CARMIL1: variants seen among roughly 807,000 people sequenced by gnomAD.
CARMIL1 encodes the protein F-actin-uncapping protein LRRC16A.
A neutral mutation model predicts 177.1 loss-of-function variants in CARMIL1; 90 were observed. The ratio of observed to expected loss-of-function variants is 0.51; its 90% CI spans 0.43 to 0.61. The LOEUF (loss-of-function observed/expected upper bound fraction) is 0.61, where lower values mean the gene tolerates loss of function less well. CARMIL1 is among the 20% of genes least tolerant of loss of function. The probability of loss-of-function intolerance (pLI) is 0.00; values close to 1 mark genes in which losing one functional copy is unlikely to be tolerated. For synonymous variants in CARMIL1, 577 were observed against 606.2 expected, an observed-to-expected ratio of 0.95 and a Z score of 0.71; for missense variants, 1,380 against 1,667.0, an observed-to-expected ratio of 0.83 and a Z score of 3.00.
chr6:25,407,086 A>G (rs967999148), intron 2 of CARMIL1, among the ~76,000 whole-genome samples: 12 of 152,114 alleles, frequency 7.9e-5, no homozygotes, highest in African/African-American at 2.9e-4. Flanking sequence ...GGATTTAGCA[A>G]TCAAGATTGG....
intron 24 of CARMIL1, among the ~76,000 whole-genome samples, chr6:25,530,371 C>T (rs1283002760): frequency 6.6e-6 from 1 of 151,896 alleles, no homozygotes; most frequent in African/African-American, 2.4e-5. Flanking sequence ...AAAAAGTAGC[C>T]AGGTGTAGTG....
At chr6:25,551,226 T>C (rs1810073656) in intron 27 of CARMIL1, 141 bp downstream of exon 27, 3 of 632,012 alleles carry the variant, frequency 4.7e-6, no homozygotes, top group Non-Finnish European at 5.4e-6. Flanking sequence ...TATATAAATA[T>C]AACTGTGCAT....
intron 2 of CARMIL1, among the ~76,000 whole-genome samples, chr6:25,307,932 A>G (rs1219649425): frequency 6.6e-6 from 1 of 152,192 alleles, no homozygotes; most frequent in African/African-American, 2.4e-5. Context: ...AGAGAATGTT[A>G]TCTACTTATT....
At chr6:25,561,274 C>A (rs970442212) in intron 29 of CARMIL1, among the ~76,000 whole-genome samples, 2 of 152,056 alleles carry the variant, frequency 1.3e-5, no homozygotes, top group Non-Finnish European at 2.9e-5. Flanking sequence ...ATATAGTATA[C>A]CATCTTTAAA....
chr6:25,525,700 A>T (rs1351563864), intron 23 of CARMIL1, among the ~76,000 whole-genome samples: 1 of 152,226 alleles, frequency 6.6e-6, no homozygotes, highest in Non-Finnish European at 1.5e-5. Flanking sequence ...ATTCTGTTAT[A>T]AGTTACCTAC....
At chr6:25,497,181 A>C (rs1803815403) in intron 16 of CARMIL1, among the ~76,000 whole-genome samples, 1 of 152,192 alleles carries the variant, frequency 6.6e-6, no homozygotes, top group Non-Finnish European at 1.5e-5. Context: ...AGATAACACA[A>C]AACTGAAGTT....
At chr6:25,499,169 A>G (rs1174232125) in intron 16 of CARMIL1, among the ~76,000 whole-genome samples, 1 of 152,172 alleles carries the variant, frequency 6.6e-6, no homozygotes, top group Non-Finnish European at 1.5e-5. Flanking sequence ...CCTCACCCTT[A>G]CCCTAGGGTA....
rs775523651 is a variant in CARMIL1, at chr6:25,581,302, C to G, written c.2869C>G (p.Pro957Ala). Residue 957 changes from proline to alanine, a missense_variant, in exon 31 of 37, where the codon CCC becomes GCC. By Grantham distance (27) the Pro-to-Ala change is conservative. Transcript: ENST00000329474. ...GGTACCAATTCACATCGAAGACCCG[C>G]CCTTCCCATCCCTCAGACAGGAGAA... ...EEVPIHIEDP[P>A]FPSLRQEKRS... 1 of 1,613,882 alleles carries G rather than the reference C, an allele frequency of 6.2e-7. No individual in the cohort carries two copies. Among genetic ancestry groups the G allele is most frequent in the Admixed American group, 1.7e-5 (1 of 60,004 alleles).
intron 9 of CARMIL1, among the ~76,000 whole-genome samples, chr6:25,470,490 A>T (rs1800998316): frequency 6.6e-6 from 1 of 152,222 alleles, no homozygotes; most frequent in Admixed American, 6.5e-5. Context: ...ATGAGCCTGG[A>T]TTAGGTGCAC....
At chr6:25,430,356 A>G (rs979763101) in intron 4 of CARMIL1, among the ~76,000 whole-genome samples, 6 of 150,368 alleles carry the variant, frequency 4.0e-5, no homozygotes, top group African/African-American at 1.5e-4. Flanking sequence ...TTGAGATGGT[A>G]TTAATTTTTG....
intron 2 of CARMIL1, among the ~76,000 whole-genome samples, chr6:25,344,533 C>G (rs920624685): frequency 2.0e-5 from 3 of 152,188 alleles, no homozygotes; most frequent in Non-Finnish European, 4.4e-5. Flanking sequence ...GTTTGTCTCA[C>G]TCTAAGCTGA....
intron 36 of CARMIL1, among the ~76,000 whole-genome samples, chr6:25,613,855 A>G (rs982974469): frequency 6.6e-6 from 1 of 152,334 alleles, no homozygotes; most frequent in East Asian, 1.9e-4. Flanking sequence ...TTAGGCTCCC[A>G]GGGATCAGGT....
chr6:25,496,740 C>T (rs573272834), intron 16 of CARMIL1, among the ~76,000 whole-genome samples: 13 of 152,088 alleles, frequency 8.5e-5, no homozygotes, highest in Admixed American at 5.2e-4. Context: ...TGCTAGACAC[C>T]GGATGACAGG....
At chr6:25,481,582 T>C (rs1018078665) in intron 11 of CARMIL1, among the ~76,000 whole-genome samples, 2 of 152,222 alleles carry the variant, frequency 1.3e-5, no homozygotes, top group African/African-American at 4.8e-5. Context: ...CGTTTGTGTA[T>C]TACTTATTTC....
intron 22 of CARMIL1, among the ~76,000 whole-genome samples, chr6:25,519,279 A>G (rs184436484): frequency 2.6e-5 from 4 of 152,366 alleles, no homozygotes; most frequent in East Asian, 3.9e-4. Context: ...GTTGCCACCA[A>G]GTAGCCCGAG....
chr6:25,429,755 T>TACCAGGCTGGAGTGCAGTGGCACAA lies in CARMIL1; in HGVS notation c.249+3195_249+3196insACCAGGCTGGAGTGCAGTGGCACAA, dbSNP rs1562124619. ...TGTGGTTTTCTTTCTTTTTTTAAGCTTCTTAAAATGATTAGTTATATTGAT... is the reference window on the plus strand; with the variant it reads ...TGTGGTTTTCTTTCTTTTTTTAAGCTACCAGGCTGGAGTGCAGTGGCACAATCTTAAAATGATTAGTTATATTGAT... On this transcript the variant is annotated intron_variant, in intron 4 of 36. Coordinates refer to ENST00000329474, the MANE Select transcript of CARMIL1 (RefSeq NM_017640.6). 1.0e-3 allele frequency among the ~76,000 whole-genome samples: 159 copies of TACCAGGCTGGAGTGCAGTGGCACAA among 151,796 alleles called. 2 individuals carry two copies. Among genetic ancestry groups the TACCAGGCTGGAGTGCAGTGGCACAA allele is most frequent in the African/African-American group, 3.1e-3 (129 of 41,264 alleles).
chr6:25,452,274 G>T, intron 8 of CARMIL1: 1 of 760,570 alleles, frequency 1.3e-6, no homozygotes, highest in South Asian at 1.4e-5. Flanking sequence ...CTATAAGTGA[G>T]GCAACTTTAT....
intron 2 of CARMIL1, among the ~76,000 whole-genome samples, chr6:25,357,134 A>T (rs1465482797): frequency 1.3e-5 from 2 of 150,748 alleles, no homozygotes; most frequent in South Asian, 2.1e-4. Context: ...ATTTGAATGA[A>T]TTTTTTCTCA....
intron 2 of CARMIL1, among the ~76,000 whole-genome samples, chr6:25,373,575 ATCTC>A (rs1371592759): frequency 5.5e-5 from 8 of 144,302 alleles, no homozygotes; most frequent in Admixed American, 1.4e-4. Flanking sequence ...CTCAATTTTC[ATCTC>A]TCTCTCTCTC....
Sources: gnomAD v4.1 joint callset for allele counts (sites outside exome capture counted in the v4.1 genomes callset) on GRCh38, gnomAD v4.1.1 for gene constraint, MANE v1.5 for transcripts, NCBI Gene and HGNC (gene_info 2026-07-23, HGNC 2026-07-21) for gene names.